GSE1: variants seen among roughly 807,000 people sequenced by gnomAD.
The protein encoded by GSE1 is genetic suppressor element 1.
In GSE1, 32 loss-of-function variants were observed where a neutral mutation model predicts 112.6. The observed-to-expected ratio is 0.28, with a 90% confidence interval of 0.21 to 0.38. GSE1 has a LOEUF of 0.38. Among genes scored for constraint, GSE1 ranks in the 10% least tolerant of loss-of-function variants. GSE1 has a pLI of 1.00. For synonymous variants in GSE1, 1,115 were observed against 735.6 expected (o/e 1.52, Z -8.35); for missense variants, 2,348 against 1,699.2 (o/e 1.38, Z -6.71).
chr16:85,600,637 T>C (rs1445662723), intron 1 of GSE1, among the ~76,000 whole-genome samples: 1 of 151,496 alleles, frequency 6.6e-6, no homozygotes, highest in East Asian at 1.9e-4. Flanking sequence ...TTTGTTTTCC[T>C]GGTGGCTCTT....
chr16:85,186,985 G>C (rs373215097), intron 1 of GSE1, among the ~76,000 whole-genome samples: 4 of 152,232 alleles, frequency 2.6e-5, no homozygotes, highest in Admixed American at 1.3e-4. Flanking sequence ...GGGTGATTTG[G>C]TGGGGTCTGG....
In GSE1 at chr16:85,449,776, C is replaced by T. The variant is rs554357825; in HGVS notation, c.2464+92133C>T. ...TGACTTTGGAGAGATCGCTTGACTTCTCTGATCCTGTCTCCTGCAAAATAG... is the reference window on the plus strand; with the variant it reads ...TGACTTTGGAGAGATCGCTTGACTTTTCTGATCCTGTCTCCTGCAAAATAG... On this transcript the variant is annotated intron_variant, in intron 2 of 2. Coordinates refer to the GSE1 transcript ENST00000637419. Among the ~76,000 whole-genome samples the T allele has an allele frequency of 1.5e-4, 23 of 152,344 alleles. No individual in the cohort carries two copies. In the South Asian group the frequency reaches 4.3e-3, roughly 29 times the overall value.
chr16:85,322,644 A>G (rs532557130), intron 1 of GSE1, among the ~76,000 whole-genome samples: 1 of 138,506 alleles, frequency 7.2e-6, no homozygotes, highest in East Asian at 2.1e-4. Context: ...AAGACAGAGT[A>G]TTGCTCTGTC....
intron 2 of GSE1, among the ~76,000 whole-genome samples, chr16:85,380,843 G>T (rs2047530527): frequency 6.6e-6 from 1 of 152,158 alleles, no homozygotes; most frequent in South Asian, 2.1e-4. Context: ...CCTTCTCCCT[G>T]GTCTTTGCAT....
At chr16:85,633,524 C>T (rs768551506) in intron 1 of GSE1, among the ~76,000 whole-genome samples, 5 of 152,190 alleles carry the variant, frequency 3.3e-5, no homozygotes, top group South Asian at 4.1e-4. Flanking sequence ...CCTGAGGATG[C>T]GGGCCGCACG....
intron 1 of GSE1, among the ~76,000 whole-genome samples, chr16:85,286,913 G>A (rs79364705): frequency 0.03 from 4,586 of 152,304 alleles, 237 homozygotes; most frequent in African/African-American, 0.1. Context: ...GGGCCGGGTC[G>A]GAAGCAGCTC....
chr16:85,478,924 TTTCTCTTTCTTTCTTTCTTTC>T (rs2050577919), intron 2 of GSE1, among the ~76,000 whole-genome samples: 1 of 50,906 alleles, frequency 2.0e-5, no homozygotes, highest in Non-Finnish European at 3.7e-5. Context: ...TCTTTCTTTC[TTTCTCTTTCTTTCTTTCTTTC>T]TTTTTTTTTC....
At chr16:85,184,174 A>T (rs1411984709) in intron 1 of GSE1, among the ~76,000 whole-genome samples, 1 of 152,116 alleles carries the variant, frequency 6.6e-6, no homozygotes, top group Non-Finnish European at 1.5e-5. Flanking sequence ...GGGGAACAGG[A>T]AGAGTCTTGG....
rs541483772 is a variant in GSE1 at position 85,385,955 on chromosome 16, T to C, written c.2464+28312T>C. ...GCTTTCAGGCCTGGCTCAAGCCCCA[T>C]TGGGGAGGGGTGGGCAGGGAGCGAA... On this transcript the variant is annotated intron_variant, in intron 2 of 2. Coordinates refer to the GSE1 transcript ENST00000637419. Among the ~76,000 whole-genome samples the C allele has an allele frequency of 1.2e-3, 182 of 152,228 alleles. 5 individuals are homozygous for C. The highest frequency in any genetic ancestry group is 2.9e-3 in the South Asian group (14 of 4,826).
rs1334014737 is a variant in GSE1, at chr16:85,373,036, T to C, written c.2464+15393T>C. ...AAAGTGTTCTCTAAACTGTGAGACA[T>C]GCAGAAGTTCTCCAGAATCACCTGC... On this transcript the variant is annotated intron_variant, in intron 2 of 2. Transcript: ENST00000637419. This position sits in a 1 kb window ranked among gnomAD's most constrained non-coding sequence, Gnocchi z 5.1. Among the ~76,000 whole-genome samples the C allele has an allele frequency of 6.6e-6, 1 of 152,258 alleles. No homozygotes were observed. The highest frequency in any genetic ancestry group is 1.5e-5 in the Non-Finnish European group (1 of 68,042).
In GSE1 at chr16:85,198,364, C is replaced by T. The variant is rs182808899; in HGVS notation, c.2283+26557C>T. On this transcript the variant is annotated intron_variant, in intron 1 of 2. Transcript: ENST00000637419. ...AGTACACTGAGACATGTCCTTGGAACGTGTTTTCTAGGCCCCAGCTGTGGG... is the reference window on the plus strand; with the variant it reads ...AGTACACTGAGACATGTCCTTGGAATGTGTTTTCTAGGCCCCAGCTGTGGG... 1.5e-3 allele frequency among the ~76,000 whole-genome samples: 232 copies of T among 152,326 alleles called. 2 individuals are homozygous for T. The highest frequency in any genetic ancestry group is 2.5e-3 in the Non-Finnish European group (171 of 68,022).
At chr16:85,277,529 TA>T (rs1325545442) in intron 1 of GSE1, among the ~76,000 whole-genome samples, 1 of 152,128 alleles carries the variant, frequency 6.6e-6, no homozygotes, top group African/African-American at 2.4e-5. Context: ...TCCGGATTTC[TA>T]AAAAACTCCG....
rs187461016 is a variant in GSE1 at position 85,633,212 on chromosome 16, C to T, written c.8-702C>T. 2.9e-4 allele frequency among the ~76,000 whole-genome samples: 44 copies of T among 152,290 alleles called. No individual in the cohort carries two copies. The East Asian group carries it at 7.4e-3, about 25-fold the overall frequency. ...GCCACAGTGGGGTCTGCAGTGCGGC[C>T]GTGTTCTTCCCCACCGCTCCCTGTC... is the stretch of plus-strand genomic sequence containing the variant. On this transcript the variant is annotated intron_variant, in intron 1 of 15. Transcript: ENST00000253458.
Position 85,631,209 on chromosome 16 carries a change from C to T in GSE1, c.8-2705C>T, listed in dbSNP as rs551753317. On this transcript the variant is annotated intron_variant, in intron 1 of 15. Transcript: ENST00000253458. ...CCCTCCTAAAAACCCGCAGCCTACT[C>T]GGTGTGGTGCTGAAGGTGCTTCGGT... is the stretch of plus-strand genomic sequence containing the variant. Among the ~76,000 whole-genome samples the T allele has an allele frequency of 5.3e-5, 8 of 152,336 alleles. No individual in the cohort carries two copies. The South Asian group carries it at 1.0e-3, about 20-fold the overall frequency.
intron 1 of GSE1, among the ~76,000 whole-genome samples, chr16:85,302,855 C>T (rs373033645): frequency 8.5e-5 from 13 of 152,320 alleles, no homozygotes; most frequent in African/African-American, 2.6e-4. Flanking sequence ...AACCCTGCGT[C>T]TTCAGTGGCG....
At chr16:85,529,125 C>G (rs555563475) in intron 2 of GSE1, among the ~76,000 whole-genome samples, 1 of 151,960 alleles carries the variant, frequency 6.6e-6, no homozygotes, top group East Asian at 1.9e-4. Flanking sequence ...CCAGGGGGGT[C>G]GGACCGGGTT....
intron 1 of GSE1, among the ~76,000 whole-genome samples, chr16:85,207,190 C>G (rs1391905924): frequency 6.6e-6 from 1 of 152,184 alleles, no homozygotes; most frequent in Non-Finnish European, 1.5e-5. Context: ...ATCTGGGACC[C>G]CCCCGTCCTC....
At chr16:85,237,135 C>T (rs1177255637) in intron 1 of GSE1, among the ~76,000 whole-genome samples, 4 of 152,028 alleles carry the variant, frequency 2.6e-5, no homozygotes, top group Non-Finnish European at 4.4e-5. Flanking sequence ...ACCAGCCTGG[C>T]CAACATGGTG....
intron 13 of GSE1, among the ~76,000 whole-genome samples, chr16:85,667,129 C>CAT (rs1242578371): frequency 6.6e-6 from 1 of 152,266 alleles, no homozygotes; most frequent in Non-Finnish European, 1.5e-5. Flanking sequence ...GGAGACTATA[C>CAT]AGTGCTACTG....
Sources: gnomAD v4.1 joint callset for allele counts (sites outside exome capture counted in the v4.1 genomes callset) on GRCh38, gnomAD v4.1.1 for gene constraint, Gnocchi (gnomAD v3.1) non-coding constraint, MANE v1.5 for transcripts, NCBI Gene and HGNC (gene_info 2026-07-23, HGNC 2026-07-21) for gene names.